MYO10: variants seen among roughly 807,000 people sequenced by gnomAD.
The protein encoded by MYO10 is myosin X.
MYO10 carries 133 observed loss-of-function variants against 257.3 expected under a neutral mutation model. That is an observed-to-expected ratio of 0.52 (90% CI 0.45 to 0.60). The LOEUF is 0.60. Among genes scored for constraint, MYO10 ranks in the 20% least tolerant of loss-of-function variants. MYO10 has a pLI of 0.00. For missense variants in MYO10, 2,399 were observed against 2,635.7 expected, an observed-to-expected ratio of 0.91 and a Z score of 1.97; for synonymous variants, 1,104 against 1,028.6, an observed-to-expected ratio of 1.07 and a Z score of -1.40.
rs1736007526 is a variant in MYO10 at position 16,662,137 on chromosome 5, CT to C, written c.*4554del. 6.6e-6 allele frequency: 1 copy of C among 151,982 alleles called. No individual in the cohort carries two copies. Among genetic ancestry groups the C allele is most frequent in the African/African-American group, 2.4e-5 (1 of 41,350 alleles). 9.4% of individuals were successfully genotyped at this position (151,982 alleles called of 1,614,324 possible). A position where few individuals can be genotyped will look rare whatever the true frequency, so the allele number is the denominator to read the frequency against. Reference sequence around the variant, plus strand: ...TAGCTTTATGCACTTGTTTTGTCCCCTATTACAGTATAAACTTTTGGTGAAT... The same window carrying C: ...TAGCTTTATGCACTTGTTTTGTCCCCATTACAGTATAAACTTTTGGTGAAT... On this transcript the variant is annotated 3_prime_UTR_variant, in exon 41 of 41. Coordinates refer to ENST00000513610, the MANE Select transcript of MYO10 (RefSeq NM_012334.3).
intron 2 of MYO10, among the ~76,000 whole-genome samples, chr5:16,836,378 C>T (rs1561010493): frequency 2.0e-5 from 3 of 152,198 alleles, no homozygotes; most frequent in Admixed American, 1.3e-4. Context: ...ACCCCTATTC[C>T]TACTTTGGTT....
intron 1 of MYO10, among the ~76,000 whole-genome samples, chr5:16,932,485 C>T (rs994020042): frequency 2.0e-5 from 3 of 152,038 alleles, no homozygotes; most frequent in African/African-American, 7.2e-5. Context: ...ATTATTATTG[C>T]TTCTGGTTAC....
At chr5:16,813,123 T>C (rs1043924992) in intron 3 of MYO10, among the ~76,000 whole-genome samples, 5 of 152,170 alleles carry the variant, frequency 3.3e-5, no homozygotes, top group African/African-American at 7.2e-5. Flanking sequence ...CAGCAACCCA[T>C]GGAACCTGAC....
chr5:16,917,211 T>C (rs1185926485), intron 1 of MYO10, among the ~76,000 whole-genome samples: 1 of 152,190 alleles, frequency 6.6e-6, no homozygotes, highest in South Asian at 2.1e-4. Flanking sequence ...TAATGCATCA[T>C]TCACACACAC....
chr5:16,935,508 C>T (rs1250389948), intron 1 of MYO10, among the ~76,000 whole-genome samples: 1 of 152,032 alleles, frequency 6.6e-6, no homozygotes, highest in Non-Finnish European at 1.5e-5. Flanking sequence ...TCACCTGGCG[C>T]GGGTGTCCCA....
At position 16,670,975 on chromosome 5, in the gene MYO10, G is replaced by C; in HGVS notation, c.5434C>G (p.His1812Asp). ...VEFAFMFEQA[H>D]EAVIHGHHPA... ...TGGTGGCCATGGATAACCGCTTCGT[G>C]GGCCTGAAAGGAGACAGTCAACAGC... The change falls in exon 39 of 41, where the codon CAC (histidine) becomes GAC (aspartate). Residue 1812 changes from histidine (H) to aspartate (D), a missense_variant. His to Asp is a moderately conservative substitution (Grantham distance 81). Coordinates refer to ENST00000513610, the MANE Select transcript of MYO10 (RefSeq NM_012334.3). 6.2e-7 allele frequency: 1 copy of C among 1,604,758 alleles called. No homozygotes were observed. The highest frequency in any genetic ancestry group is 8.5e-7 in the Non-Finnish European group (1 of 1,173,176).
chr5:16,833,852 G>C (rs1397415505), intron 2 of MYO10, among the ~76,000 whole-genome samples: 1 of 152,158 alleles, frequency 6.6e-6, no homozygotes, highest in Non-Finnish European at 1.5e-5. Context: ...TACACATTTA[G>C]CACAGTTCTT....
At chr5:16,710,802 G>C (rs1738562803) in intron 21 of MYO10, 106 bp downstream of exon 21, 1 of 922,650 alleles carries the variant, frequency 1.1e-6, no homozygotes, top group Admixed American at 2.3e-5. Context: ...TCTTCCCAAT[G>C]TGAAAGAACA....
chr5:16,681,290 G>A lies in MYO10; in HGVS notation c.4384+19C>T, dbSNP rs773677120. 20 of 1,597,782 alleles carry A rather than the reference G, an allele frequency of 1.3e-5. No individual in the cohort carries two copies. The highest frequency in any genetic ancestry group is 1.1e-4 in the Admixed American group (6 of 56,618). ...CTTTAAGATTTGATGCTCAGGGTTCGGGCAGCCAGCCTGGTTACCTGTCTC... is the reference window on the plus strand; with the variant it reads ...CTTTAAGATTTGATGCTCAGGGTTCAGGCAGCCAGCCTGGTTACCTGTCTC... On this transcript the variant is annotated intron_variant, in intron 32 of 40. Coordinates refer to ENST00000513610, the MANE Select transcript of MYO10 (RefSeq NM_012334.3).
chr5:16,906,712 A>G (rs1205081646), intron 1 of MYO10, among the ~76,000 whole-genome samples: 1 of 152,102 alleles, frequency 6.6e-6, no homozygotes, highest in Non-Finnish European at 1.5e-5. Flanking sequence ...CAGTCTCAAC[A>G]CTTTCATCCC....
chr5:16,839,649 G>A (rs926246736), intron 2 of MYO10, among the ~76,000 whole-genome samples: 2 of 152,138 alleles, frequency 1.3e-5, no homozygotes, highest in African/African-American at 4.8e-5. Context: ...AGGCTAAGGG[G>A]AAGATCACCT....
intron 21 of MYO10, among the ~76,000 whole-genome samples, chr5:16,705,912 T>C (rs1248694375): frequency 2.6e-5 from 4 of 152,186 alleles, no homozygotes; most frequent in African/African-American, 9.7e-5. Context: ...CCGGGCGCAG[T>C]GGCTCATGCC....
chr5:16,780,648 T>A, intron 7 of MYO10, 40 bp from the exon 8 acceptor site: 1 of 1,549,044 alleles, frequency 6.5e-7, no homozygotes. Context: ...AGATGTGTCC[T>A]GTGCTTAATT....
chr5:16,711,061 G>A (rs374380885), intron 20 of MYO10, 39 bp from the exon 21 acceptor site: 108 of 1,613,114 alleles, frequency 6.7e-5, no homozygotes, highest in Middle Eastern at 1.7e-4. Flanking sequence ...TTCTGCGATG[G>A]TTCCCTGTTT....
chr5:16,668,589 T>G (rs1736289210), intron 39 of MYO10, 121 bp from the exon 40 acceptor site: 1 of 681,048 alleles, frequency 1.5e-6, no homozygotes, highest in Non-Finnish European at 2.3e-6. Flanking sequence ...ATATTCGATG[T>G]GCATGCATGC....
chr5:16,764,045 G>C (rs1740797002), intron 12 of MYO10, among the ~76,000 whole-genome samples: 1 of 151,994 alleles, frequency 6.6e-6, no homozygotes, highest in African/African-American at 2.4e-5. Context: ...CTTCTTGGGA[G>C]GCTGAGGTGG....
intron 3 of MYO10, among the ~76,000 whole-genome samples, chr5:16,814,275 A>G (rs926433807): frequency 2.6e-5 from 4 of 151,648 alleles, no homozygotes; most frequent in Admixed American, 2.0e-4. Flanking sequence ...CCGAGTACCT[A>G]GGACTACAGG....
intron 18 of MYO10, among the ~76,000 whole-genome samples, chr5:16,757,760 G>T (rs1172435066): frequency 6.6e-6 from 1 of 152,104 alleles, no homozygotes; most frequent in Non-Finnish European, 1.5e-5. Context: ...GATCTCCCAG[G>T]CTCAGGCAAT....
At chr5:16,802,279 G>A (rs1482856500) in intron 3 of MYO10, among the ~76,000 whole-genome samples, 3 of 152,074 alleles carry the variant, frequency 2.0e-5, no homozygotes, top group Non-Finnish European at 2.9e-5. Context: ...TATACTTAAC[G>A]CTATCGAACT....
Sources: gnomAD v4.1 joint callset for allele counts (sites outside exome capture counted in the v4.1 genomes callset) on GRCh38, gnomAD v4.1.1 for gene constraint, MANE v1.5 for transcripts, NCBI Gene and HGNC (gene_info 2026-07-23, HGNC 2026-07-21) for gene names.